CC2D2A: variants seen among roughly 807,000 people sequenced by gnomAD.
CC2D2A encodes coiled-coil and C2 domain containing 2A, also known as coiled-coil and C2 domain-containing protein 2A.
In CC2D2A, 155 loss-of-function variants were observed where a neutral mutation model predicts 212.9. That is an observed-to-expected ratio of 0.73 (90% CI 0.64 to 0.83). The LOEUF is 0.83. Among genes scored for constraint, CC2D2A ranks in the 40% least tolerant of loss-of-function variants. The pLI is 0.00. For synonymous variants in CC2D2A, 667 were observed against 686.5 expected (o/e 0.97, Z 0.44); for missense variants, 1,856 against 1,956.2 (o/e 0.95, Z 0.97).
At chr4:15,493,818 A>ATTGTCTTGTC (rs1715454147) in intron 4 of CC2D2A, among the ~76,000 whole-genome samples, 2 of 152,222 alleles carry the variant, frequency 1.3e-5, no homozygotes, top group African/African-American at 2.4e-5. Context: ...TGGTTGAATG[A>ATTGTCTTGTC]TTGAAGGGTC....
At position 15,511,350 on chromosome 4, in the gene CC2D2A, G is replaced by C. The variant is rs756061892; in HGVS notation, c.644G>C (p.Arg215Thr). ...GSEEKPKARH[R>T]AGTNQEEEEG... ...GAGGAAAAACCAAAAGCAAGACATA[G>C]AGCGGGAACTAATCAAGAGGAGGAG... Residue 215 changes from arginine to threonine, a missense_variant, in exon 8 of 37, where the codon AGA (arginine) becomes ACA (threonine). This residue lies in a region of CC2D2A where 1,512 missense variants were observed against 1,579.3 expected (regional missense o/e 0.96). Transcript: ENST00000424120. 1.3e-5 allele frequency: 20 copies of C among 1,580,450 alleles called. No individual in the cohort carries two copies. The South Asian group carries it at 2.4e-4, about 19-fold the overall frequency.
chr4:15,482,185 T>G (rs1450249226), intron 4 of CC2D2A: 2 of 985,412 alleles, frequency 2.0e-6, no homozygotes, highest in Non-Finnish European at 2.4e-6. Flanking sequence ...ACTCTTAGAT[T>G]GGAAAAATGT....
intron 17 of CC2D2A, 113 bp downstream of exon 17, chr4:15,541,127 C>G: frequency 2.7e-6 from 2 of 753,258 alleles, no homozygotes; most frequent in Non-Finnish European, 4.0e-6. Flanking sequence ...GCCTGGCCAA[C>G]ATGGCAAAAC....
chr4:15,533,097 A>ATCAAATTG, intron 13 of CC2D2A, 96 bp from the exon 14 acceptor site: 1 of 985,646 alleles, frequency 1.0e-6, no homozygotes, highest in South Asian at 1.8e-5. Context: ...TACGGTAGCT[A>ATCAAATTG]TCAAATTGAA....
At chr4:15,588,774 TC>T (rs1720963948) in intron 32 of CC2D2A, among the ~76,000 whole-genome samples, 1 of 152,120 alleles carries the variant, frequency 6.6e-6, no homozygotes, top group Non-Finnish European at 1.5e-5. Flanking sequence ...ACTAAGTAGG[TC>T]ACTCCACAAC....
chr4:15,472,121 G>C (rs1327096747), intron 1 of CC2D2A, among the ~76,000 whole-genome samples: 1 of 152,180 alleles, frequency 6.6e-6, no homozygotes, highest in Admixed American at 6.5e-5. Flanking sequence ...TGAGATGGAG[G>C]GGTAGAGTGG....
intron 31 of CC2D2A, among the ~76,000 whole-genome samples, chr4:15,587,493 G>A (rs887835281): frequency 5.9e-5 from 9 of 152,154 alleles, no homozygotes; most frequent in African/African-American, 1.9e-4. Flanking sequence ...GAAGTAATGT[G>A]CTTTAAAGAT....
intron 16 of CC2D2A, among the ~76,000 whole-genome samples, 189 bp from the exon 17 acceptor site, chr4:15,540,648 G>A (rs1392376940): frequency 6.6e-6 from 1 of 152,174 alleles, no homozygotes; most frequent in Non-Finnish European, 1.5e-5. Context: ...TTCAGTGTCT[G>A]TTAATGGCTT....
At chr4:15,477,828 C>A (rs983482817) in intron 2 of CC2D2A, among the ~76,000 whole-genome samples, 18 of 152,176 alleles carry the variant, frequency 1.2e-4, no homozygotes, top group African/African-American at 4.3e-4. Context: ...CCCCAGTGGC[C>A]AAGGGCAGTC....
chr4:15,513,902 G>A (rs989140396), intron 8 of CC2D2A, among the ~76,000 whole-genome samples: 6 of 152,246 alleles, frequency 3.9e-5, no homozygotes, highest in Middle Eastern at 3.4e-3. Flanking sequence ...TAAGAGGCAG[G>A]TAGCTAGACT....
chr4:15,499,209 C>T (rs1174408846), intron 4 of CC2D2A, among the ~76,000 whole-genome samples: 1 of 152,070 alleles, frequency 6.6e-6, no homozygotes, highest in Non-Finnish European at 1.5e-5. Context: ...AAGCTTTATC[C>T]AAATCTGTAG....
chr4:15,495,826 C>T (rs778986880), intron 4 of CC2D2A, among the ~76,000 whole-genome samples: 33 of 152,162 alleles, frequency 2.2e-4, no homozygotes, highest in Non-Finnish European at 4.4e-4. Context: ...TCCACAGTGG[C>T]GGAACTAATT....
intron 6 of CC2D2A, among the ~76,000 whole-genome samples, chr4:15,504,301 G>GATCC (rs1716135267): frequency 6.6e-6 from 1 of 152,126 alleles, no homozygotes; most frequent in Non-Finnish European, 1.5e-5. Flanking sequence ...GTGCCCTCAT[G>GATCC]ATCCATTCCA....
At chr4:15,508,126 C>A (rs1276117688) in intron 6 of CC2D2A, among the ~76,000 whole-genome samples, 1 of 152,184 alleles carries the variant, frequency 6.6e-6, no homozygotes, top group African/African-American at 2.4e-5. Flanking sequence ...GGACAGAAGC[C>A]ATTAGACAAA....
At chr4:15,569,561 A>C (rs1448971058) in intron 27 of CC2D2A, among the ~76,000 whole-genome samples, 172 bp downstream of exon 27, 1 of 152,206 alleles carries the variant, frequency 6.6e-6, no homozygotes, top group African/African-American at 2.4e-5. Flanking sequence ...AAGCGAGTTT[A>C]TTAGGAAAGT....
chr4:15,561,945 C>T (rs1719623334), intron 23 of CC2D2A, among the ~76,000 whole-genome samples: 1 of 152,210 alleles, frequency 6.6e-6, no homozygotes, highest in African/African-American at 2.4e-5. Context: ...TAACACCTCT[C>T]GTAGCCTCTA....
At chr4:15,526,808 T>C (rs534053247) in intron 11 of CC2D2A, among the ~76,000 whole-genome samples, 5 of 152,206 alleles carry the variant, frequency 3.3e-5, no homozygotes, top group Non-Finnish European at 7.3e-5. Flanking sequence ...AGCAAAGAGA[T>C]GTATCTGATA....
intron 4 of CC2D2A, among the ~76,000 whole-genome samples, chr4:15,491,920 T>C (rs1436438085): frequency 6.6e-6 from 1 of 152,228 alleles, no homozygotes; most frequent in African/African-American, 2.4e-5. Flanking sequence ...TTATTATGGA[T>C]TGTGCTTTTA....
At chr4:15,546,458 T>C (rs754213896) in intron 17 of CC2D2A, among the ~76,000 whole-genome samples, 2 of 152,178 alleles carry the variant, frequency 1.3e-5, no homozygotes, top group Non-Finnish European at 2.9e-5. Context: ...GGCATGTGGA[T>C]TGAGATAGGG....
Sources: allele counts gnomAD v4.1 joint callset (sites outside exome capture counted in the v4.1 genomes callset), GRCh38; gene constraint gnomAD v4.1.1; regional missense constraint gnomAD v4.1.1; transcripts MANE v1.5; gene names NCBI Gene and HGNC (gene_info 2026-07-23, HGNC 2026-07-21).